UCKL1: variants seen among roughly 807,000 people sequenced by gnomAD.
The protein encoded by UCKL1 is uridine-cytidine kinase 1 like 1, also known as uridine-cytidine kinase-like 1.
Under a neutral mutation model 59.2 loss-of-function variants are expected in UCKL1, and 65 were observed. The ratio of observed to expected loss-of-function variants is 1.10; its 90% CI spans 0.90 to 1.35. UCKL1 has a LOEUF of 1.35. UCKL1 is among the 40% of genes most tolerant of loss of function. The pLI is 0.00. For synonymous variants in UCKL1, 410 were observed against 323.1 expected (o/e 1.27, Z -2.88); for missense variants, 703 against 784.3 (o/e 0.90, Z 1.24).
chr20:63,949,289 C>T (rs817310), intron 1 of UCKL1, among the ~76,000 whole-genome samples: 1 of 152,010 alleles, frequency 6.6e-6, no homozygotes, highest in Admixed American at 6.5e-5. Flanking sequence ...CAGGCGAGGG[C>T]GGCCCGGGGG....
intron 1 of UCKL1, among the ~76,000 whole-genome samples, chr20:63,947,335 C>T (rs1228885258): frequency 1.3e-5 from 2 of 152,244 alleles, no homozygotes; most frequent in Non-Finnish European, 2.9e-5. Context: ...GGTGAGACCC[C>T]AAAATGGACC....
intron 1 of UCKL1, 87 bp downstream of exon 1, chr20:63,956,173 C>T: frequency 8.0e-7 from 1 of 1,247,988 alleles, no homozygotes; most frequent in Non-Finnish European, 1.1e-6. Flanking sequence ...CTTGGGCTCG[C>T]GGCGGGGACG....
intron 1 of UCKL1, chr20:63,954,089 G>A (rs1373040013): frequency 6.5e-6 from 1 of 152,718 alleles, no homozygotes; most frequent in African/African-American, 2.4e-5. Flanking sequence ...TGACCCCACT[G>A]GTGCCGGACT....
At chr20:63,950,965 G>A (rs1247745599) in intron 1 of UCKL1, 33 of 1,307,258 alleles carry the variant, frequency 2.5e-5, no homozygotes, top group African/African-American at 3.1e-5. Context: ...CAGGAGCTCC[G>A]GCCACCTGAA....
intron 1 of UCKL1, chr20:63,948,577 G>A (rs1445046408): frequency 2.5e-5 from 2 of 80,564 alleles, no homozygotes; most frequent in Admixed American, 2.2e-4. Context: ...GAGAGGGAGG[G>A]GATGTGTGTG....
At position 63,940,795 on chromosome 20, in the gene UCKL1, T is replaced by TGCTTCCCCGCATAGC; in HGVS notation, c.1163_1177dup (p.Lys392_Gln393insArgTyrAlaGlyLys). 6.3e-7 allele frequency: 1 copy of TGCTTCCCCGCATAGC among 1,589,858 alleles called. No homozygotes were observed. Among genetic ancestry groups the TGCTTCCCCGCATAGC allele is most frequent in the Non-Finnish European group, 8.5e-7 (1 of 1,169,592 alleles). On this transcript the variant is annotated inframe_insertion and splice_region_variant, in exon 11 of 15. Transcript: ENST00000354216. Reference sequence around the variant, plus strand: ...GCCCAGGTGTGCCCAGGCAGGTACCTGCTTCCCCGCATAGCACTTGCCCGC... The same window carrying TGCTTCCCCGCATAGC: ...GCCCAGGTGTGCCCAGGCAGGTACCTGCTTCCCCGCATAGCGCTTCCCCGCATAGCACTTGCCCGC...
intron 1 of UCKL1, chr20:63,955,978 G>A (rs2058576250): frequency 6.5e-6 from 2 of 307,346 alleles, no homozygotes; most frequent in African/African-American, 2.2e-5. Context: ...GAGGCCGAGG[G>A]CCCCACCCAC....
chr20:63,951,079 T>C, intron 1 of UCKL1: 1 of 1,199,418 alleles, frequency 8.3e-7, no homozygotes, highest in Non-Finnish European at 1.0e-6. Context: ...CTGCCAAATG[T>C]CAGCAGAGGC....
chr20:63,947,906 C>T (rs2056673540), intron 1 of UCKL1, among the ~76,000 whole-genome samples: 2 of 152,224 alleles, frequency 1.3e-5, no homozygotes, highest in African/African-American at 4.8e-5. Flanking sequence ...AGTTTACAAC[C>T]TCAAGTGGGC....
intron 1 of UCKL1, among the ~76,000 whole-genome samples, chr20:63,947,088 A>G (rs1427488983): frequency 6.6e-6 from 1 of 152,066 alleles, no homozygotes; most frequent in Non-Finnish European, 1.5e-5. Flanking sequence ...CTCAAAAAAA[A>G]AAAACCCTGC....
chr20:63,942,401 C>T (rs1311194359), intron 8 of UCKL1: 21 of 1,172,618 alleles, frequency 1.8e-5, no homozygotes, highest in Non-Finnish European at 2.2e-5. Context: ...GAGGGCCTAG[C>T]GGGAGCAGCG....
intron 1 of UCKL1, among the ~76,000 whole-genome samples, chr20:63,953,185 G>C (rs570381920): frequency 6.6e-6 from 1 of 152,306 alleles, no homozygotes; most frequent in South Asian, 2.1e-4. Context: ...TTTGAGACCA[G>C]CCTGACCAAC....
intron 8 of UCKL1, 176 bp from the exon 9 acceptor site, chr20:63,941,384 T>C: frequency 1.0e-6 from 1 of 990,164 alleles, no homozygotes; most frequent in East Asian, 2.7e-5. Flanking sequence ...TCGCCCTACC[T>C]GAGCTGTCAG....
intron 1 of UCKL1, among the ~76,000 whole-genome samples, chr20:63,949,439 G>A (rs116398566): frequency 0.011 from 1,737 of 152,244 alleles, 44 homozygotes; most frequent in African/African-American, 0.039. Context: ...GAAGGAAGAC[G>A]GGACCCAGCA....
chr20:63,945,860 T>C lies in UCKL1; in HGVS notation c.527A>G (p.Lys176Arg), dbSNP rs1245592827. 2 of 1,613,674 alleles carry C rather than the reference T, an allele frequency of 1.2e-6. No homozygotes were observed. Among genetic ancestry groups the C allele is most frequent in the Non-Finnish European group, 1.7e-6 (2 of 1,179,984 alleles). ...GTCATAAATGGGCACCTTGACACTC[T>C]TCCCCTGCTTCAGCTTCTTGAGGGT... ...ISTLKKLKQG[K>R]SVKVPIYDFT... The change falls in exon 4 of 15, where the codon AAG becomes AGG. Residue 176 changes from lysine to arginine, a missense_variant. Physicochemically the swap from Lys to Arg is conservative, Grantham distance 26 (BLOSUM62 2). This residue lies in a region of UCKL1 where 398 missense variants were observed against 373.0 expected (regional missense o/e 1.07). Transcript: ENST00000354216.
At chr20:63,950,721 G>C (rs1046294330) in intron 1 of UCKL1, 2 of 1,481,940 alleles carry the variant, frequency 1.3e-6, no homozygotes, top group Admixed American at 4.9e-5. Context: ...AGCACAAGTG[G>C]GTGCCCCTCA....
Position 63,946,437 on chromosome 20 carries a change from C to G in UCKL1, c.304+16G>C. On this transcript the variant is annotated intron_variant, in intron 2 of 14. Coordinates refer to ENST00000354216, the MANE Select transcript of UCKL1 (RefSeq NM_017859.4). ...CAGGCGTCCGGCAGCAGGTCCCACC[C>G]CCCCGCTGCTCTCACCGATGGCGAA... 1 of 1,534,752 alleles carries G rather than the reference C, an allele frequency of 6.5e-7. No individual in the cohort carries two copies. The highest frequency in any genetic ancestry group is 2.0e-5 in the Admixed American group (1 of 51,036).
chr20:63,939,999 C>T lies in UCKL1; in HGVS notation c.1624G>A (p.Glu542Lys). 1 of 1,612,406 alleles carries T rather than the reference C, an allele frequency of 6.2e-7. No individual in the cohort carries two copies. Among genetic ancestry groups the T allele is most frequent in the Non-Finnish European group, 8.5e-7 (1 of 1,179,918 alleles). Reference protein sequence around the residue: ...TDAVPDGSDEEEVAYTG With the variant: ...TDAVPDGSDEKEVAYTG ...AGCTAACCCGTGTAGGCCACTTCCT[C>T]CTCGTCACTGCCATCGGGGACCGCG... The change falls in exon 15 of 15, where the codon GAG (glutamate) becomes AAG (lysine). Residue 542 changes from glutamate to lysine, a missense_variant. Physicochemically the swap from Glu to Lys is moderately conservative, Grantham distance 56 (BLOSUM62 1). This residue lies in a region of UCKL1 where 124 missense variants were observed against 161.1 expected (regional missense o/e 0.77). Coordinates refer to ENST00000354216, the MANE Select transcript of UCKL1 (RefSeq NM_017859.4).
intron 1 of UCKL1, chr20:63,951,119 A>G (rs1160480901): frequency 2.7e-6 from 3 of 1,124,080 alleles, no homozygotes; most frequent in Admixed American, 9.5e-5. Context: ...TGAAGCCTCC[A>G]CCGTACTGAG....
Sources: allele counts gnomAD v4.1 joint callset (sites outside exome capture counted in the v4.1 genomes callset), GRCh38; gene constraint gnomAD v4.1.1; regional missense constraint gnomAD v4.1.1; transcripts MANE v1.5; gene names NCBI Gene and HGNC (gene_info 2026-07-23, HGNC 2026-07-21).